The following CSMD1 variants were observed in gnomAD, a reference collection of about 807,000 sequenced individuals.
CSMD1 encodes the protein CUB and Sushi multiple domains 1.
CSMD1 carries 213 observed loss-of-function variants against 417.5 expected under a neutral mutation model. The observed-to-expected ratio is 0.51, with a 90% CI of 0.46 to 0.57. CSMD1 has a LOEUF of 0.57. Ranked by LOEUF, CSMD1 falls within the 20% of genes least tolerant of loss-of-function variation. The pLI is 0.00. For synonymous variants in CSMD1, 2,862 were observed against 1,736.8 expected (o/e 1.65, Z -16.11); for missense variants, 6,923 against 4,529.7 (o/e 1.53, Z -15.17).
chr8:2,965,060 C>T (rs1446956752), intron 59 of CSMD1, among the ~76,000 whole-genome samples: 1 of 152,304 alleles, frequency 6.6e-6, no homozygotes, highest in Non-Finnish European at 1.5e-5. Flanking sequence ...TTCCTCTGCA[C>T]CAGCTGATAA....
intron 18 of CSMD1, among the ~76,000 whole-genome samples, chr8:3,386,886 A>G (rs887922882): frequency 1.6e-4 from 24 of 152,206 alleles, no homozygotes; most frequent in Admixed American, 1.4e-3. Context: ...CTGTTATTAT[A>G]ACTACACACA....
intron 2 of CSMD1, among the ~76,000 whole-genome samples, chr8:4,579,437 C>A (rs914111312): frequency 1.3e-5 from 2 of 152,002 alleles, no homozygotes; most frequent in Non-Finnish European, 2.9e-5. Context: ...CAGCTCAGTG[C>A]AACCTCCGCC....
chr8:4,817,370 A>T (rs941930983), intron 1 of CSMD1, among the ~76,000 whole-genome samples: 11 of 152,188 alleles, frequency 7.2e-5, no homozygotes, highest in East Asian at 1.9e-4. Flanking sequence ...ATAACAAATT[A>T]AAAAAATGAG....
At chr8:3,509,908 T>C (rs909604809) in intron 10 of CSMD1, among the ~76,000 whole-genome samples, 2 of 152,108 alleles carry the variant, frequency 1.3e-5, no homozygotes, top group African/African-American at 2.4e-5. Flanking sequence ...AGTGAAGCGA[T>C]GAGGGCAACG....
chr8:3,103,310 A>G (rs113081390), intron 46 of CSMD1, among the ~76,000 whole-genome samples: 7 of 152,304 alleles, frequency 4.6e-5, no homozygotes, highest in African/African-American at 1.7e-4. Flanking sequence ...TTATTGGGAC[A>G]TGAAAAATAG....
chr8:3,609,451 C>G lies in CSMD1; in HGVS notation c.1097+7259G>C, dbSNP rs145895709. Among the ~76,000 whole-genome samples the G allele has an allele frequency of 2.6e-5, 4 of 152,070 alleles. No homozygotes were observed. The South Asian group carries it at 8.3e-4, about 32-fold the overall frequency. On this transcript the variant is annotated intron_variant, in intron 8 of 69. Coordinates refer to ENST00000635120, the MANE Select transcript of CSMD1 (RefSeq NM_033225.6). ...ACTGACTTGAATTCAAATAAGCAAG[C>G]TTTGTATTTTATGCTTTATTTTCTT...
chr8:3,119,805 C>T (rs7826526), intron 41 of CSMD1, among the ~76,000 whole-genome samples: 1 of 152,090 alleles, frequency 6.6e-6, no homozygotes, highest in Non-Finnish European at 1.5e-5. Flanking sequence ...AGCACCAGTT[C>T]TGGGGGAACC....
chr8:4,939,029 G>T (rs192416175), intron 1 of CSMD1, among the ~76,000 whole-genome samples: 12 of 152,128 alleles, frequency 7.9e-5, no homozygotes, highest in African/African-American at 2.2e-4. Context: ...TGTTTTCTAC[G>T]TGTTGTACAT....
intron 5 of CSMD1, among the ~76,000 whole-genome samples, chr8:3,942,893 T>C (rs1810978049): frequency 6.6e-6 from 1 of 152,132 alleles, no homozygotes; most frequent in Admixed American, 6.6e-5. Context: ...AATGAATACA[T>C]CATTGTGATA....
At chr8:3,110,380 T>C (rs372652905) in intron 42 of CSMD1, 45 bp from the exon 43 acceptor site, 16 of 1,501,754 alleles carry the variant, frequency 1.1e-5, no homozygotes, top group Non-Finnish European at 1.4e-5. Flanking sequence ...CAGCTGATTT[T>C]AGAGAGTAGA....
chr8:3,924,412 T>G (rs1809493704), intron 5 of CSMD1, among the ~76,000 whole-genome samples: 1 of 152,200 alleles, frequency 6.6e-6, no homozygotes, highest in Non-Finnish European at 1.5e-5. Context: ...TTCATTTCCC[T>G]CTCCAGATTT....
intron 2 of CSMD1, among the ~76,000 whole-genome samples, chr8:4,593,917 C>T (rs1224245775): frequency 2.0e-5 from 3 of 152,120 alleles, no homozygotes; most frequent in African/African-American, 7.2e-5. Flanking sequence ...GTTTTGAGGG[C>T]CAGGAGTCTG....
intron 3 of CSMD1, among the ~76,000 whole-genome samples, chr8:4,367,020 C>A (rs1161850549): frequency 6.6e-6 from 1 of 152,120 alleles, no homozygotes; most frequent in African/African-American, 2.4e-5. Flanking sequence ...TTGATAACTT[C>A]TTTTGCTGTG....
At chr8:3,047,213 CAAAAAAAAAAA>C (rs749861179) in intron 50 of CSMD1, among the ~76,000 whole-genome samples, 15 of 73,096 alleles carry the variant, frequency 2.1e-4, no homozygotes, top group Admixed American at 3.3e-4. Context: ...GACTCCCTCT[CAAAAAAAAAAA>C]AAAAAAAAAA....
At chr8:4,105,347 T>TTA (rs1349441311) in intron 3 of CSMD1, among the ~76,000 whole-genome samples, 1 of 152,086 alleles carries the variant, frequency 6.6e-6, no homozygotes, top group Non-Finnish European at 1.5e-5. Flanking sequence ...ATTTTTTTTT[T>TTA]ATGTTTATAT....
rs1801446853 is a variant in CSMD1 at position 2,936,159 on chromosome 8, C to T, written c.*2426G>A. The T allele has an allele frequency of 6.6e-6, 1 of 151,982 alleles. No individual in the cohort carries two copies. Among genetic ancestry groups the T allele is most frequent in the Non-Finnish European group, 1.5e-5 (1 of 67,998 alleles). The allele number at this position is 151,982 out of a possible 1,614,324, so 9.4% of individuals were successfully genotyped here. On this transcript the variant is annotated 3_prime_UTR_variant, in exon 70 of 70. Transcript: ENST00000635120. ...ATTTAAATAACATGCTTCAAACTGG[C>T]AACCCTAGGACAGTTTGACTTTGCA...
intron 7 of CSMD1, among the ~76,000 whole-genome samples, chr8:3,632,431 TA>T (rs1240728563): frequency 6.6e-6 from 1 of 152,102 alleles, no homozygotes; most frequent in Non-Finnish European, 1.5e-5. Context: ...TATAGGAGAT[TA>T]TTTTTTAATG....
intron 51 of CSMD1, among the ~76,000 whole-genome samples, chr8:3,022,903 T>A (rs1809556702): frequency 6.6e-6 from 1 of 152,118 alleles, no homozygotes; most frequent in South Asian, 2.1e-4. Flanking sequence ...TGGATATAAG[T>A]CACATAGGAA....
chr8:3,676,921 CAT>C (rs1799404749), intron 7 of CSMD1, among the ~76,000 whole-genome samples: 2 of 152,086 alleles, frequency 1.3e-5, no homozygotes, highest in South Asian at 4.2e-4. Flanking sequence ...CCAAACACCA[CAT>C]GTTCACACTC....
Sources: gnomAD v4.1 joint callset for allele counts (sites outside exome capture counted in the v4.1 genomes callset) on GRCh38, gnomAD v4.1.1 for gene constraint, MANE v1.5 for transcripts, NCBI Gene and HGNC (gene_info 2026-07-23, HGNC 2026-07-21) for gene names.